ADAMTS5: variants seen among roughly 807,000 people sequenced by gnomAD.
ADAMTS5 encodes ADAM metallopeptidase with thrombospondin type 1 motif 5.
In ADAMTS5, 54 loss-of-function variants were observed where a neutral mutation model predicts 81.4. That is an observed-to-expected ratio of 0.66 (90% CI 0.53 to 0.83). The LOEUF is 0.83. Ranked by LOEUF, ADAMTS5 falls within the 40% of genes least tolerant of loss-of-function variation. The pLI, the probability that ADAMTS5 is intolerant of heterozygous loss-of-function variation, is 0.00. For synonymous variants in ADAMTS5, 532 were observed against 508.8 expected, an observed-to-expected ratio of 1.05 and a Z score of -0.61; for missense variants, 1,194 against 1,229.9, an observed-to-expected ratio of 0.97 and a Z score of 0.44.
chr21:26,934,944 T>C (rs1986987405), intron 3 of ADAMTS5, among the ~76,000 whole-genome samples, 195 bp from the exon 4 acceptor site: 1 of 152,148 alleles, frequency 6.6e-6, no homozygotes. Flanking sequence ...CCTCCAGGGT[T>C]CTCAGGAGTG....
At position 26,965,756 on chromosome 21, in the gene ADAMTS5, G is replaced by A. The variant is rs774373621; in HGVS notation, c.636C>T (p.Pro212=). 1.9e-6 allele frequency: 3 copies of A among 1,598,616 alleles called. No homozygotes were observed. The African/African-American group carries it at 4.0e-5, about 21-fold the overall frequency. ...GCTCGTGGGCCTCCGGTGTGGACGC[G>A]GGGGTTTCGCAGCTGGCGCGCGGCG... ...ALPPRASCET[P]ASTPEAHEHA... The change falls in exon 1 of 8, where the codon CCC becomes CCT. Residue 212 remains proline, a synonymous_variant. Transcript: ENST00000284987.
intron 1 of ADAMTS5, among the ~76,000 whole-genome samples, chr21:26,963,071 C>A (rs1336520261): frequency 6.6e-6 from 1 of 151,944 alleles, no homozygotes; most frequent in Non-Finnish European, 1.5e-5. Flanking sequence ...ACAGGGCCAA[C>A]CACAAATGAA....
intron 6 of ADAMTS5, among the ~76,000 whole-genome samples, chr21:26,931,675 T>C (rs1986910047): frequency 6.6e-6 from 1 of 152,196 alleles, no homozygotes; most frequent in Non-Finnish European, 1.5e-5. Flanking sequence ...TCCTTTACAA[T>C]GCTGCTTAGG....
At position 26,919,350 on chromosome 21, in the gene ADAMTS5, A is replaced by G. The variant is rs1986644786; in HGVS notation, c.*4703T>C. ...CTCGTTTTTTCCATTTGACCTTTAC[A>G]GTCCACATGGTCCAGTTAGTTGAAG... On this transcript the variant is annotated 3_prime_UTR_variant, in exon 8 of 8. Coordinates refer to ENST00000284987, the MANE Select transcript of ADAMTS5 (RefSeq NM_007038.5). 6.6e-6 allele frequency: 1 copy of G among 151,824 alleles called. No individual in the cohort carries two copies. The highest frequency in any genetic ancestry group is 1.5e-5 in the Non-Finnish European group (1 of 67,932). The allele number at this position is 151,824 out of a possible 1,614,324, so 9.4% of individuals were successfully genotyped here. A position where few individuals can be genotyped will look rare whatever the true frequency, so the allele number is the denominator to read the frequency against.
chr21:26,948,907 G>T (rs572074557), intron 2 of ADAMTS5, among the ~76,000 whole-genome samples: 1 of 152,100 alleles, frequency 6.6e-6, no homozygotes, highest in African/African-American at 2.4e-5. Flanking sequence ...CCTTAGACGG[G>T]TTTAGAAAGT....
intron 5 of ADAMTS5, 94 bp from the exon 6 acceptor site, chr21:26,932,273 C>A: frequency 7.3e-7 from 1 of 1,370,766 alleles, no homozygotes; most frequent in Non-Finnish European, 9.8e-7. Flanking sequence ...GGGGAAGATG[C>A]AAACGTGTTT....
chr21:26,960,543 T>A (rs1288116541), intron 1 of ADAMTS5, among the ~76,000 whole-genome samples: 1 of 152,190 alleles, frequency 6.6e-6, no homozygotes, highest in Admixed American at 6.5e-5. Flanking sequence ...CTGTTTCTAC[T>A]TGCAGGCAGT....
At chr21:26,945,311 C>G (rs1987194274) in intron 2 of ADAMTS5, among the ~76,000 whole-genome samples, 1 of 152,140 alleles carries the variant, frequency 6.6e-6, no homozygotes, top group Admixed American at 6.6e-5. Context: ...AAATTTCACT[C>G]TTGAGTTTTT....
intron 3 of ADAMTS5, 143 bp downstream of exon 3, chr21:26,943,237 A>G (rs1245738360): frequency 7.1e-6 from 6 of 844,964 alleles, no homozygotes; most frequent in Non-Finnish European, 8.8e-6. Flanking sequence ...CATATGATCA[A>G]TTTTCTTGGT....
Position 26,924,297 on chromosome 21 carries a change from A to C in ADAMTS5, c.2549T>G (p.Phe850Cys). ...TKPLDVRYSF[F>C]VPKKSTPKVN... ...TTTTGGAGTGGACTTCTTGGGAACA[A>C]AAAAGCTATAACGGACATCTAATGG... is the stretch of plus-strand genomic sequence containing the variant. Residue 850 changes from phenylalanine to cysteine, a missense_variant, in exon 8 of 8, where the codon TTT becomes TGT. By Grantham distance (205) the Phe-to-Cys change is radical. Around this residue, in one of 2 missense-constraint regions of ADAMTS5, gnomAD observed 696 missense variants for 817.6 expected, o/e 0.85. Transcript: ENST00000284987. 6.2e-7 allele frequency: 1 copy of C among 1,614,208 alleles called. No individual in the cohort carries two copies. The highest frequency in any genetic ancestry group is 8.5e-7 in the Non-Finnish European group (1 of 1,180,030).
intron 1 of ADAMTS5, among the ~76,000 whole-genome samples, chr21:26,960,638 G>A (rs1370104474): frequency 6.6e-6 from 1 of 152,182 alleles, no homozygotes; most frequent in Non-Finnish European, 1.5e-5. Context: ...ATTGGCTGGA[G>A]CCTTGGTCTT....
intron 6 of ADAMTS5, among the ~76,000 whole-genome samples, chr21:26,930,952 TA>T (rs1986896454): frequency 1.3e-5 from 2 of 152,204 alleles, no homozygotes; most frequent in Admixed American, 6.5e-5. Flanking sequence ...GAAAATGCAT[TA>T]TTTTCTAATA....
intron 1 of ADAMTS5, among the ~76,000 whole-genome samples, chr21:26,962,940 T>C (rs147597639): frequency 3.5e-4 from 54 of 152,262 alleles, no homozygotes; most frequent in African/African-American, 1.2e-3. Flanking sequence ...GAATGCTGCA[T>C]AAATGCCTTG....
In ADAMTS5 at chr21:26,920,761, T is replaced by A. The variant is rs1986675996; in HGVS notation, c.*3292A>T. 6.6e-6 allele frequency: 1 copy of A among 152,108 alleles called. No homozygotes were observed. The highest frequency in any genetic ancestry group is 2.4e-5 in the African/African-American group (1 of 41,432). The allele number at this position is 152,108 out of a possible 1,614,324, so 9.4% of individuals were successfully genotyped here. ...TCATTGAATAAGTGTTTTTCTTATTTGTGACTTGGAAAAAATAGTGTTAAT... is the reference window on the plus strand; with the variant it reads ...TCATTGAATAAGTGTTTTTCTTATTAGTGACTTGGAAAAAATAGTGTTAAT... On this transcript the variant is annotated 3_prime_UTR_variant, in exon 8 of 8. Transcript: ENST00000284987.
At chr21:26,943,235 C>A in intron 3 of ADAMTS5, 145 bp downstream of exon 3, 1 of 821,156 alleles carries the variant, frequency 1.2e-6, no homozygotes, top group Non-Finnish European at 1.8e-6. Flanking sequence ...CACATATGAT[C>A]AATTTTCTTG....
chr21:26,966,245 C>T lies in ADAMTS5; in HGVS notation c.147G>A (p.Glu49=), dbSNP rs766413943. 3.1e-6 allele frequency: 5 copies of T among 1,599,296 alleles called. No individual in the cohort carries two copies. Among genetic ancestry groups the T allele is most frequent in the African/African-American group, 2.7e-5 (2 of 74,442 alleles). Residue 49 remains glutamate, a synonymous_variant, in exon 1 of 8, where the codon GAG becomes GAA. Transcript: ENST00000284987. The part of the protein sequence containing the change: ...AAAQPRRRQG[E]EVQERAEPPG... ...GAGGCTCGGCTCGCTCCTGCACCTC[C>T]TCCCCCTGCCGCCGGCGGGGCTGGG...
rs1394843755 is a variant in ADAMTS5 at position 26,966,111 on chromosome 21, C to T, written c.281G>A (p.Gly94Asp). ...GGKVGYLVYA[G>D]GRRFLLDLER... is the part of the protein sequence containing the mutation. Reference sequence around the variant, plus strand: ...CAGGTCCAAGAGGAACCTCCGGCCGCCCGCGTAGACGAGGTAGCCCACCTT... The same window carrying T: ...CAGGTCCAAGAGGAACCTCCGGCCGTCCGCGTAGACGAGGTAGCCCACCTT... The change falls in exon 1 of 8, where the codon GGC becomes GAC. Residue 94 changes from glycine to aspartate, a missense_variant. Gly to Asp is a moderately conservative substitution (Grantham distance 94). Around this residue, in one of 2 missense-constraint regions of ADAMTS5, gnomAD observed 498 missense variants for 412.3 expected, o/e 1.21. Coordinates refer to ENST00000284987, the MANE Select transcript of ADAMTS5 (RefSeq NM_007038.5). 2.5e-6 allele frequency: 4 copies of T among 1,612,792 alleles called. No homozygotes were observed. The highest frequency in any genetic ancestry group is 1.1e-5 in the South Asian group (1 of 91,084).
At position 26,922,129 on chromosome 21, in the gene ADAMTS5, T is replaced by C. The variant is rs1026029309; in HGVS notation, c.*1924A>G. On this transcript the variant is annotated 3_prime_UTR_variant, in exon 8 of 8. Transcript: ENST00000284987. ...GGCATTGGGTGATCTCCATCACATA[T>C]AGGTTATCAGCCTTGTACAGGCCTC... 2.6e-5 allele frequency: 4 copies of C among 152,050 alleles called. No homozygotes were observed. Among genetic ancestry groups the C allele is most frequent in the Admixed American group, 6.5e-5 (1 of 15,270 alleles). 9.4% of individuals were successfully genotyped at this position (152,050 alleles called of 1,614,324 possible).
chr21:26,960,557 AAGG>A (rs1987510668), intron 1 of ADAMTS5, among the ~76,000 whole-genome samples: 1 of 152,194 alleles, frequency 6.6e-6, no homozygotes, highest in African/African-American at 2.4e-5. Context: ...AGGCAGTGGG[AAGG>A]CTTTGTGAGT....
Sources: gnomAD v4.1 joint callset for allele counts (sites outside exome capture counted in the v4.1 genomes callset) on GRCh38, gnomAD v4.1.1 for gene constraint, gnomAD v4.1.1 regional missense constraint, MANE v1.5 for transcripts, NCBI Gene and HGNC (gene_info 2026-07-23, HGNC 2026-07-21) for gene names.